The following ARHGAP12 variants were observed in gnomAD, a reference collection of about 807,000 sequenced individuals.
ARHGAP12 encodes Rho GTPase activating protein 12, also known as rho GTPase-activating protein 12.
Under a neutral mutation model 108.6 loss-of-function variants are expected in ARHGAP12, and 64 were observed. The observed-to-expected ratio is 0.59, with a 90% CI of 0.48 to 0.73. The LOEUF is 0.73. ARHGAP12 is among the 30% of genes least tolerant of loss of function. The pLI is 0.00. For synonymous variants in ARHGAP12, 312 were observed against 337.2 expected (o/e 0.93, Z 0.82); for missense variants, 940 against 1,005.9 (o/e 0.93, Z 0.89).
At chr10:31,906,236 A>G (rs1839128363) in intron 3 of ARHGAP12, among the ~76,000 whole-genome samples, 2 of 152,120 alleles carry the variant, frequency 1.3e-5, no homozygotes, top group South Asian at 4.1e-4. Context: ...GAATCACCCA[A>G]CTAAGCTGCT....
At chr10:31,809,168 T>C (rs762799437) in intron 17 of ARHGAP12, 40 bp from the exon 18 acceptor site, 23 of 1,613,146 alleles carry the variant, frequency 1.4e-5, no homozygotes, top group Non-Finnish European at 1.9e-5. Context: ...AAAAATTACT[T>C]TAAGCCAGTT....
Position 31,843,598 on chromosome 10 carries a change from C to T in ARHGAP12, c.1171-12G>A. ...GATGAAGCATTATACTAAAACAAAACAAAGCAAAAAACACAAAAAACAGTT... is the reference window on the plus strand; with the variant it reads ...GATGAAGCATTATACTAAAACAAAATAAAGCAAAAAACACAAAAAACAGTT... On this transcript the variant is annotated splice_polypyrimidine_tract_variant and intron_variant, in intron 6 of 19. Coordinates refer to ENST00000344936, the MANE Select transcript of ARHGAP12 (RefSeq NM_018287.7). The T allele has an allele frequency of 1.3e-6, 2 of 1,573,350 alleles. No homozygotes were observed. Among genetic ancestry groups the T allele is most frequent in the Non-Finnish European group, 1.7e-6 (2 of 1,167,360 alleles).
At position 31,908,250 on chromosome 10, in the gene ARHGAP12, T is replaced by C; in HGVS notation, c.606A>G (p.Ala202=). ...GATGTATTCTTTCAGAGCCTTCTCC[T>C]GCGGAATCACAAGATTGTTCCTGGG... ...SFSQEQSCDS[A]GEGSERIHQD... Residue 202 remains alanine, a synonymous_variant, in exon 3 of 20, where the codon GCA becomes GCG. Transcript: ENST00000344936. The C allele has an allele frequency of 1.2e-6, 2 of 1,614,040 alleles. No individual in the cohort carries two copies. The highest frequency in any genetic ancestry group is 1.7e-6 in the Non-Finnish European group (2 of 1,180,022).
At chr10:31,814,389 T>C in intron 13 of ARHGAP12, 28 bp from the exon 14 acceptor site, 1 of 1,504,740 alleles carries the variant, frequency 6.6e-7, no homozygotes, top group Non-Finnish European at 9.2e-7. Flanking sequence ...CCCAAACACA[T>C]ATTACACTTC....
At position 31,808,656 on chromosome 10, in the gene ARHGAP12, G is replaced by T; in HGVS notation, c.2359C>A (p.Leu787Ile). The T allele has an allele frequency of 6.2e-7, 1 of 1,612,990 alleles. No homozygotes were observed. Among genetic ancestry groups the T allele is most frequent in the Non-Finnish European group, 8.5e-7 (1 of 1,179,220 alleles). The change falls in exon 19 of 20, where the codon CTC (leucine) becomes ATC (isoleucine). Residue 787 changes from leucine (L) to isoleucine (I), a missense_variant. Coordinates refer to ENST00000344936, the MANE Select transcript of ARHGAP12 (RefSeq NM_018287.7). ...QDTMQILFRH[L>I]RRVIENGEKN... ...ACTGGGCAGTCCTCCTACCTTCTGA[G>T]ATGTCGGAAAAGAATCTGCATTGTG... is the stretch of plus-strand genomic sequence containing the variant.
At chr10:31,851,105 T>C (rs1836661914) in intron 6 of ARHGAP12, among the ~76,000 whole-genome samples, 1 of 152,112 alleles carries the variant, frequency 6.6e-6, no homozygotes, top group African/African-American at 2.4e-5. Context: ...CGGGAGCTCT[T>C]ATAATTAAAA....
chr10:31,873,084 G>A (rs1418890489), intron 3 of ARHGAP12, among the ~76,000 whole-genome samples: 1 of 152,002 alleles, frequency 6.6e-6, no homozygotes, highest in Non-Finnish European at 1.5e-5. Context: ...ACATGAGCCA[G>A]GTATGTAATT....
chr10:31,901,534 C>A (rs1281368011), intron 3 of ARHGAP12, among the ~76,000 whole-genome samples: 81 of 64,256 alleles, frequency 1.3e-3, no homozygotes, highest in East Asian at 8.7e-3. Context: ...AACCTGGTCT[C>A]AAAAAAAAAA....
chr10:31,911,524 G>A (rs996216686), intron 1 of ARHGAP12, among the ~76,000 whole-genome samples: 6 of 152,056 alleles, frequency 3.9e-5, no homozygotes, highest in African/African-American at 1.4e-4. Context: ...ATGTTGCCCA[G>A]GTTGGTCTTA....
intron 3 of ARHGAP12, among the ~76,000 whole-genome samples, chr10:31,874,973 CAAAAAAAAAAAA>C (rs59050160): frequency 3.1e-4 from 18 of 58,312 alleles, no homozygotes; most frequent in Non-Finnish European, 4.5e-4. Flanking sequence ...GACTCTGTCT[CAAAAAAAAAAAA>C]AAAAAAAAAA....
chr10:31,813,896 T>C (rs1835105712), intron 14 of ARHGAP12, among the ~76,000 whole-genome samples: 1 of 152,204 alleles, frequency 6.6e-6, no homozygotes, highest in Admixed American at 6.5e-5. Flanking sequence ...TCCATGACTT[T>C]TGACTTCTTA....
chr10:31,866,045 T>C (rs923800706), intron 3 of ARHGAP12, among the ~76,000 whole-genome samples: 2 of 152,234 alleles, frequency 1.3e-5, no homozygotes, highest in African/African-American at 4.8e-5. Flanking sequence ...AAAGTCAGCA[T>C]ATGATCTTGC....
intron 3 of ARHGAP12, among the ~76,000 whole-genome samples, chr10:31,883,093 T>C (rs565776828): frequency 6.6e-6 from 1 of 152,144 alleles, no homozygotes; most frequent in African/African-American, 2.4e-5. Flanking sequence ...GTCGGGAGTT[T>C]GAGACCAGCC....
At chr10:31,917,928 G>A (rs78112746) in intron 1 of ARHGAP12, among the ~76,000 whole-genome samples, 61 of 152,036 alleles carry the variant, frequency 4.0e-4, no homozygotes, top group African/African-American at 1.4e-3. Context: ...TGACTTTATG[G>A]TGGGTTTATT....
At chr10:31,903,886 G>A (rs979599423) in intron 3 of ARHGAP12, among the ~76,000 whole-genome samples, 14 of 152,154 alleles carry the variant, frequency 9.2e-5, no homozygotes, top group Admixed American at 8.5e-4. Context: ...ACCCATTAGA[G>A]AAATGCACAT....
intron 3 of ARHGAP12, among the ~76,000 whole-genome samples, chr10:31,887,884 T>G (rs1389288146): frequency 6.6e-6 from 1 of 151,808 alleles, no homozygotes. Flanking sequence ...GTCTCAATCT[T>G]CTGACCTCAT....
intron 4 of ARHGAP12, among the ~76,000 whole-genome samples, chr10:31,859,257 G>A (rs1293240927): frequency 6.6e-6 from 1 of 152,112 alleles, no homozygotes; most frequent in Non-Finnish European, 1.5e-5. Context: ...CCGTGTATAG[G>A]CAAGAGACCT....
intron 4 of ARHGAP12, among the ~76,000 whole-genome samples, chr10:31,859,332 T>C (rs1471070243): frequency 2.0e-5 from 3 of 152,216 alleles, no homozygotes; most frequent in African/African-American, 7.2e-5. Flanking sequence ...ACACTGGGGA[T>C]TCCCCAAAGA....
At chr10:31,889,751 C>T (rs370263598) in intron 3 of ARHGAP12, among the ~76,000 whole-genome samples, 10 of 150,864 alleles carry the variant, frequency 6.6e-5, no homozygotes, top group African/African-American at 2.4e-4. Context: ...CTCAGCCTCA[C>T]GAGTAGCTGG....
Sources: allele counts gnomAD v4.1 joint callset (sites outside exome capture counted in the v4.1 genomes callset), GRCh38; gene constraint gnomAD v4.1.1; transcripts MANE v1.5; gene names NCBI Gene and HGNC (gene_info 2026-07-23, HGNC 2026-07-21).